GFRA2: variants seen among roughly 807,000 people sequenced by gnomAD.
GFRA2 encodes the protein GDNF family receptor alpha 2, also known as GDNF family receptor alpha-2.
In GFRA2, 17 loss-of-function variants were observed where a neutral mutation model predicts 48.3. The observed-to-expected ratio is 0.35, with a 90% CI of 0.24 to 0.53. The LOEUF (loss-of-function observed/expected upper bound fraction) is 0.53. Ranked by LOEUF, GFRA2 falls within the 20% of genes least tolerant of loss-of-function variation. The pLI, the probability that GFRA2 is intolerant of heterozygous loss-of-function variation, is 0.93. For missense variants in GFRA2, 660 were observed against 637.3 expected (o/e 1.04, Z -0.38); for synonymous variants, 305 against 257.2 (o/e 1.19, Z -1.78).
intron 3 of GFRA2, among the ~76,000 whole-genome samples, chr8:21,755,895 C>A (rs1040640741): frequency 6.6e-6 from 1 of 152,256 alleles, no homozygotes; most frequent in Non-Finnish European, 1.5e-5. Flanking sequence ...CCATTCTGCC[C>A]AGGACAGAAG....
chr8:21,765,693 C>CGG (rs1188343710), intron 3 of GFRA2, among the ~76,000 whole-genome samples: 3 of 152,044 alleles, frequency 2.0e-5, no homozygotes, highest in Non-Finnish European at 4.4e-5. Context: ...TTGGCACTTC[C>CGG]GGGGGGAGAT....
intron 6 of GFRA2, among the ~76,000 whole-genome samples, chr8:21,703,702 T>C (rs1195944803): frequency 6.6e-6 from 1 of 152,156 alleles, no homozygotes; most frequent in Non-Finnish European, 1.5e-5. Flanking sequence ...CCTTGGTGCC[T>C]CCCTGCACAA....
At chr8:21,807,545 C>T (rs2117121078) in intron 1 of GFRA2, among the ~76,000 whole-genome samples, 1 of 152,336 alleles carries the variant, frequency 6.6e-6, no homozygotes, top group East Asian at 1.9e-4. Context: ...TACATATATT[C>T]TCACAGTTCT....
At chr8:21,783,579 G>A (rs1383093085) in intron 1 of GFRA2, among the ~76,000 whole-genome samples, 1 of 152,080 alleles carries the variant, frequency 6.6e-6, no homozygotes, top group Non-Finnish European at 1.5e-5. Flanking sequence ...GGAGAGATGA[G>A]CCTAACTCTA....
At chr8:21,746,887 A>G (rs1805033299) in intron 4 of GFRA2, among the ~76,000 whole-genome samples, 1 of 152,040 alleles carries the variant, frequency 6.6e-6, no homozygotes, top group Non-Finnish European at 1.5e-5. Context: ...CCCTGCTCCA[A>G]ACTCCCCCAT....
chr8:21,705,031 C>T lies in GFRA2; in HGVS notation c.999G>A (p.Glu333=), dbSNP rs1328390569. The T allele has an allele frequency of 2.5e-6, 4 of 1,610,862 alleles. No individual in the cohort carries two copies. The highest frequency in any genetic ancestry group is 3.4e-6 in the Non-Finnish European group (4 of 1,179,032). The change falls in exon 6 of 9, where the codon GAG becomes GAA. Residue 333 remains glutamate, a synonymous_variant. Coordinates refer to ENST00000524240, the MANE Select transcript of GFRA2 (RefSeq NM_001495.5). ...AGTCCCTGAGGAACTTCTCACACTC[C>T]TCCTCCATGTTCCCGCTGCCACGAC... is the stretch of plus-strand genomic sequence containing the variant. ...CSCRGSGNME[E]ECEKFLRDFT...
intron 4 of GFRA2, among the ~76,000 whole-genome samples, chr8:21,722,978 C>A (rs528230342): frequency 3.3e-5 from 5 of 152,298 alleles, no homozygotes; most frequent in African/African-American, 1.2e-4. Flanking sequence ...ACACAGCAGA[C>A]CACTCAGGCC....
chr8:21,809,490 ATT>A (rs5890006), intron 1 of GFRA2, among the ~76,000 whole-genome samples: 1 of 150,392 alleles, frequency 6.6e-6, no homozygotes, highest in Admixed American at 6.6e-5. Flanking sequence ...ATGCCCAGCT[ATT>A]TTTTTTTTGT....
At chr8:21,725,658 G>A (rs1803831259) in intron 4 of GFRA2, among the ~76,000 whole-genome samples, 1 of 152,198 alleles carries the variant, frequency 6.6e-6, no homozygotes, top group Non-Finnish European at 1.5e-5. Flanking sequence ...AACACCCTGA[G>A]ATACACAGGT....
rs369382941 is a variant in GFRA2 at position 21,781,807 on chromosome 8, A to G, written c.355+778T>C. ...CTGGTTACAGTGGCCCACCTCCTAA[A>G]CAGATGCAAATCCTCCACACCCAGG... On this transcript the variant is annotated intron_variant, in intron 2 of 8. Transcript: ENST00000524240. Among the ~76,000 whole-genome samples the G allele has an allele frequency of 9.9e-3, 1,501 of 152,224 alleles. 18 individuals are homozygous for G. The highest frequency in any genetic ancestry group is 0.033 in the African/African-American group (1,372 of 41,546).
chr8:21,711,492 T>A (rs1231234470), intron 4 of GFRA2, among the ~76,000 whole-genome samples: 1 of 152,128 alleles, frequency 6.6e-6, no homozygotes, highest in African/African-American at 2.4e-5. Flanking sequence ...TTGGCAGCTG[T>A]AGCCTGTTCA....
intron 7 of GFRA2, among the ~76,000 whole-genome samples, chr8:21,700,187 T>G (rs1445033311): frequency 6.6e-6 from 1 of 152,080 alleles, no homozygotes; most frequent in African/African-American, 2.4e-5. Flanking sequence ...GACACTCAGG[T>G]TCCCTGCTCT....
rs776286778 is a variant in GFRA2 at position 21,797,202 on chromosome 8, C to T, written c.-36+7815G>A. Among the ~76,000 whole-genome samples the T allele has an allele frequency of 2.0e-3, 305 of 149,976 alleles. 1 individual carries two copies. The highest frequency in any genetic ancestry group is 1.8e-3 in the Non-Finnish European group (125 of 67,800). ...TTAAAAATATCTCCAGTGACAGGATCTTGTTTGACTCAGGGGCTGCATTCT... is the reference window on the plus strand; with the variant it reads ...TTAAAAATATCTCCAGTGACAGGATTTTGTTTGACTCAGGGGCTGCATTCT... On this transcript the variant is annotated intron_variant, in intron 2 of 10. Coordinates refer to the GFRA2 transcript ENST00000517328.
intron 4 of GFRA2, among the ~76,000 whole-genome samples, chr8:21,731,125 G>C (rs936049635): frequency 1.3e-5 from 2 of 152,070 alleles, no homozygotes; most frequent in African/African-American, 4.8e-5. Context: ...TCTAGAACAA[G>C]TGTTACTGTC....
chr8:21,730,810 G>C (rs574323517), intron 4 of GFRA2, among the ~76,000 whole-genome samples: 1 of 152,254 alleles, frequency 6.6e-6, no homozygotes, highest in East Asian at 1.9e-4. Context: ...TCCTCAAATC[G>C]TATCTTCCCT....
intron 6 of GFRA2, among the ~76,000 whole-genome samples, chr8:21,704,360 T>C (rs1563216676): frequency 1.3e-5 from 2 of 152,192 alleles, no homozygotes; most frequent in African/African-American, 4.8e-5. Context: ...ACTGTGATCA[T>C]AAGTGACCCC....
At chr8:21,790,298 G>A (rs1431097920), upstream of GFRA2, among the ~76,000 whole-genome samples, 1 of 152,214 alleles carries the variant, frequency 6.6e-6, no homozygotes, top group African/African-American at 2.4e-5. Flanking sequence ...ACGGTGTCCT[G>A]GGGTGGGGTA....
At chr8:21,713,966 C>T (rs1380726905) in intron 4 of GFRA2, among the ~76,000 whole-genome samples, 1 of 152,134 alleles carries the variant, frequency 6.6e-6, no homozygotes, top group Non-Finnish European at 1.5e-5. Flanking sequence ...CAGAGAAAGC[C>T]CACAGTTACG....
intron 4 of GFRA2, among the ~76,000 whole-genome samples, chr8:21,746,081 G>A (rs1400092833): frequency 5.9e-5 from 9 of 152,168 alleles, no homozygotes; most frequent in Admixed American, 5.9e-4. Context: ...TTTGATCGAT[G>A]AAGAGCCCCC....
Sources: gnomAD v4.1 joint callset for allele counts (sites outside exome capture counted in the v4.1 genomes callset) on GRCh38, gnomAD v4.1.1 for gene constraint, MANE v1.5 for transcripts, NCBI Gene and HGNC (gene_info 2026-07-23, HGNC 2026-07-21) for gene names.